CMBL: variants seen among roughly 807,000 people sequenced by gnomAD.
CMBL encodes carboxymethylenebutenolidase homolog.
In CMBL, 17 loss-of-function variants were observed where a neutral mutation model predicts 28.7. That is an observed-to-expected ratio of 0.59 (90% CI 0.41 to 0.89). The LOEUF is 0.89. CMBL is among the 40% of genes least tolerant of loss of function. The probability of loss-of-function intolerance (pLI) is 0.00; values close to 1 mark genes in which losing one functional copy is unlikely to be tolerated. For missense variants in CMBL, 310 were observed against 298.5 expected (o/e 1.04, Z -0.28); for synonymous variants, 106 against 101.6 (o/e 1.04, Z -0.26).
At chr5:10,290,344 C>T (rs562337271) in intron 2 of CMBL, 21 of 580,250 alleles carry the variant, frequency 3.6e-5, no homozygotes, top group South Asian at 2.1e-4. Flanking sequence ...ACAGGAAACC[C>T]AGGAATGGGG....
rs1240180892 is a variant in CMBL at position 10,289,424 on chromosome 5, C to T, written c.216-895G>A. 6.6e-6 allele frequency among the ~76,000 whole-genome samples: 1 copy of T among 152,210 alleles called. No individual in the cohort carries two copies. The highest frequency in any genetic ancestry group is 1.9e-4 in the East Asian group (1 of 5,196). ...TTTCCTTATCTTTTATGTCCTGACCCCTGCTAAAGGACCCTCCGTGAAACA... is the reference window on the plus strand; with the variant it reads ...TTTCCTTATCTTTTATGTCCTGACCTCTGCTAAAGGACCCTCCGTGAAACA... On this transcript the variant is annotated intron_variant, in intron 2 of 5. Transcript: ENST00000296658. This position sits in a 1 kb window ranked among gnomAD's most constrained non-coding sequence, Gnocchi z 4.3.
At chr5:10,302,136 C>T (rs559944085) in intron 1 of CMBL, among the ~76,000 whole-genome samples, 4 of 152,254 alleles carry the variant, frequency 2.6e-5, no homozygotes, top group East Asian at 1.9e-4. Flanking sequence ...ATGGGCAGGG[C>T]GAACAGTTTC....
chr5:10,280,233 C>A lies in CMBL; in HGVS notation c.*220G>T. On this transcript the variant is annotated 3_prime_UTR_variant, in exon 6 of 6. Transcript: ENST00000296658. ...GAATTACAGGCATGAGGCACTACAC[C>A]TGGTCAGACCTTGTTTTTAAATTAT... 1 of 414,000 alleles carries A rather than the reference C, an allele frequency of 2.4e-6. No individual in the cohort carries two copies. Among genetic ancestry groups the A allele is most frequent in the Non-Finnish European group, 4.3e-6 (1 of 231,800 alleles). The allele number at this position is 414,000 out of a possible 1,614,324, so 25.6% of individuals were successfully genotyped here. A position where few individuals can be genotyped will look rare whatever the true frequency, so the allele number is the denominator to read the frequency against.
Position 10,279,742 on chromosome 5 carries a change from G to C in CMBL, c.*711C>G, listed in dbSNP as rs1427469748. On this transcript the variant is annotated 3_prime_UTR_variant, in exon 6 of 6. Coordinates refer to ENST00000296658, the MANE Select transcript of CMBL (RefSeq NM_138809.4). ...TTTAGTAGAGATGGGGTTTCACCATGTTGGCCAGGCTGGTCTTGAACTCCT... is the reference window on the plus strand; with the variant it reads ...TTTAGTAGAGATGGGGTTTCACCATCTTGGCCAGGCTGGTCTTGAACTCCT... 1 of 152,004 alleles carries C rather than the reference G, an allele frequency of 6.6e-6. No homozygotes were observed. Among genetic ancestry groups the C allele is most frequent in the Non-Finnish European group, 1.5e-5 (1 of 68,014 alleles). 9.4% of individuals were successfully genotyped at this position (152,004 alleles called of 1,614,324 possible). A position where few individuals can be genotyped will look rare whatever the true frequency, so the allele number is the denominator to read the frequency against.
rs1391061771 is a variant in CMBL, at chr5:10,286,475, C to A, written c.345G>T (p.Lys115Asn). Residue 115 changes from lysine to asparagine, a missense_variant, in exon 4 of 6, where the codon AAG becomes AAT. By Grantham distance (94) the Lys-to-Asn change is moderately conservative. Coordinates refer to ENST00000296658, the MANE Select transcript of CMBL (RefSeq NM_138809.4). ...KIDREISAILKYLKQQCHAQK... is the reference protein window; with the variant it reads ...KIDREISAILNYLKQQCHAQK... ...GGGCATGACACTGTTGTTTCAGATA[C>A]TTCAAGATAGCACTGATCTCTCTAG... is the stretch of plus-strand genomic sequence containing the variant. 1 of 1,613,978 alleles carries A rather than the reference C, an allele frequency of 6.2e-7. No individual in the cohort carries two copies. Among genetic ancestry groups the A allele is most frequent in the East Asian group, 2.2e-5 (1 of 44,892 alleles).
Position 10,282,278 on chromosome 5 carries a change from C to G in CMBL, c.477G>C (p.Lys159Asn). Residue 159 changes from lysine (K) to asparagine (N), a missense_variant, in exon 5 of 6, where the codon AAG becomes AAC. Lys to Asn is a moderately conservative substitution (Grantham distance 94, BLOSUM62 0). Transcript: ENST00000296658. ...RAGVSVYGIVKDSEDIYNLKN... is the reference protein window; with the variant it reads ...RAGVSVYGIVNDSEDIYNLKN... ...TTAAATTGTAAATGTCTTCAGAATC[C>G]TTGACAATGCCTGAAAAACAAGCAC... The G allele has an allele frequency of 6.2e-7, 1 of 1,602,500 alleles. No individual in the cohort carries two copies. The highest frequency in any genetic ancestry group is 8.6e-7 in the Non-Finnish European group (1 of 1,169,254).
chr5:10,282,250 T>C lies in CMBL; in HGVS notation c.505A>G (p.Asn169Asp). The C allele has an allele frequency of 6.2e-7, 1 of 1,613,066 alleles. No homozygotes were observed. Residue 169 changes from asparagine to aspartate, a missense_variant, in exon 5 of 6, where the codon AAC (asparagine) becomes GAC (aspartate). Asn to Asp is a conservative substitution (Grantham distance 23). Transcript: ENST00000296658. ...KDSEDIYNLK[N>D]PTLFIFAEND... ...TCAGCAAAAATGAACAAAGTGGGGT[T>C]CTTTAAATTGTAAATGTCTTCAGAA...
At chr5:10,286,095 A>G in intron 4 of CMBL, 1 of 386,470 alleles carries the variant, frequency 2.6e-6, no homozygotes, top group African/African-American at 2.1e-5. Context: ...CTAGGTGAAG[A>G]AATGGAGAAT....
At chr5:10,286,579 T>C in intron 3 of CMBL, 83 bp from the exon 4 acceptor site, 1 of 1,275,428 alleles carries the variant, frequency 7.8e-7, no homozygotes, top group South Asian at 1.6e-5. Context: ...AACAGGGCTG[T>C]ATCAGCAACT....
intron 1 of CMBL, among the ~76,000 whole-genome samples, chr5:10,299,254 T>C (rs1746854521): frequency 6.6e-6 from 1 of 151,624 alleles, no homozygotes; most frequent in African/African-American, 2.4e-5. Flanking sequence ...AATAGAAAAA[T>C]TCATATGAAT....
chr5:10,282,438 CTTTAT>C (rs1746512585), intron 4 of CMBL, 150 bp from the exon 5 acceptor site: 1 of 586,068 alleles, frequency 1.7e-6, no homozygotes, highest in African/African-American at 1.9e-5. Context: ...GCTTTGCGGA[CTTTAT>C]TTTCTTTTTT....
rs969992223 is a variant in CMBL at position 10,288,404 on chromosome 5, C to T, written c.323+18G>A. The T allele has an allele frequency of 1.2e-5, 19 of 1,589,794 alleles. No homozygotes were observed. The highest frequency in any genetic ancestry group is 9.4e-5 in the African/African-American group (7 of 74,414). ...CTGGGCCACAACGTGCACATGGCCA[C>T]GTCTGCGGATAACTCACCTATCGAT... On this transcript the variant is annotated intron_variant, in intron 3 of 5. Coordinates refer to ENST00000296658, the MANE Select transcript of CMBL (RefSeq NM_138809.4).
chr5:10,282,867 G>A (rs192747461), intron 4 of CMBL, among the ~76,000 whole-genome samples: 8 of 152,022 alleles, frequency 5.3e-5, no homozygotes, highest in Non-Finnish European at 7.4e-5. Context: ...CGAGGAGGGC[G>A]GATCATGAGG....
At chr5:10,302,518 G>A (rs1040092409) in intron 1 of CMBL, among the ~76,000 whole-genome samples, 2 of 151,128 alleles carry the variant, frequency 1.3e-5, no homozygotes, top group Non-Finnish European at 2.9e-5. Context: ...GCATGGTGGT[G>A]CATACCTGTA....
intron 3 of CMBL, among the ~76,000 whole-genome samples, chr5:10,288,124 C>T (rs1007314481): frequency 3.3e-5 from 5 of 151,348 alleles, no homozygotes; most frequent in Non-Finnish European, 5.9e-5. Flanking sequence ...AAAAATTAGC[C>T]GGGCTGGTGG....
intron 4 of CMBL, among the ~76,000 whole-genome samples, chr5:10,284,886 T>C (rs887779453): frequency 3.9e-5 from 6 of 152,272 alleles, no homozygotes; most frequent in African/African-American, 1.2e-4. Flanking sequence ...AGTTTCTATA[T>C]ACAGATATAA....
chr5:10,303,195 C>T (rs943259338), intron 1 of CMBL, among the ~76,000 whole-genome samples: 7 of 152,314 alleles, frequency 4.6e-5, no homozygotes, highest in East Asian at 1.9e-4. Flanking sequence ...CTGCCATCCC[C>T]GATCTTTGAG....
chr5:10,300,368 C>G lies in CMBL; in HGVS notation c.-20+7257G>C, dbSNP rs144000583. ...ACTTTCAATTTGGACTCCTGGCCTC[C>G]AGAACTATGAGGCACTGTGTTGCTT... is the stretch of plus-strand genomic sequence containing the variant. On this transcript the variant is annotated intron_variant, in intron 1 of 5. Coordinates refer to ENST00000296658, the MANE Select transcript of CMBL (RefSeq NM_138809.4). 3.9e-5 allele frequency among the ~76,000 whole-genome samples: 6 copies of G among 152,264 alleles called. No individual in the cohort carries two copies. In the East Asian group the frequency reaches 1.2e-3, roughly 29 times the overall value.
chr5:10,294,614 A>C (rs914908947), intron 1 of CMBL, among the ~76,000 whole-genome samples: 5 of 152,170 alleles, frequency 3.3e-5, no homozygotes, highest in African/African-American at 1.2e-4. Context: ...GAAATCATCA[A>C]GTAGCAAAGG....
Sources: gnomAD v4.1 joint callset for allele counts (sites outside exome capture counted in the v4.1 genomes callset) on GRCh38, gnomAD v4.1.1 for gene constraint, Gnocchi (gnomAD v3.1) non-coding constraint, MANE v1.5 for transcripts, NCBI Gene and HGNC (gene_info 2026-07-23, HGNC 2026-07-21) for gene names.